The following MN1 variants were observed in gnomAD, a reference collection of about 807,000 sequenced individuals.
The protein encoded by MN1 is MN1 proto-oncogene, transcriptional regulator.
Under a neutral mutation model 86.9 loss-of-function variants are expected in MN1, and 19 were observed. The ratio of observed to expected loss-of-function variants is 0.22; its 90% confidence interval spans 0.15 to 0.32. MN1 has a LOEUF of 0.32. Among genes scored for constraint, MN1 ranks in the 10% least tolerant of loss-of-function variants. The pLI is 1.00. For synonymous variants in MN1, 928 were observed against 849.6 expected (o/e 1.09, Z -1.60); for missense variants, 1,841 against 1,862.0 (o/e 0.99, Z 0.21).
Position 27,797,144 on chromosome 22 carries a change from G to T in MN1, c.3400C>A (p.Gln1134Lys). 1 of 1,571,536 alleles carries T rather than the reference G, an allele frequency of 6.4e-7. No individual in the cohort carries two copies. Residue 1134 changes from glutamine (Q) to lysine (K), a missense_variant, in exon 1 of 2, where the codon CAG (glutamine) becomes AAG (lysine). Transcript: ENST00000302326. ...CTGCTGCTCGTCGGGGTGCGGACCT[G>T]CTCCAGGCCCGGAGTGCCCGGATGG... ...PGHPGTPGLE[Q>K]VRTPTSSSGA...
chr22:27,770,687 C>T (rs1932906741), intron 1 of MN1, among the ~76,000 whole-genome samples: 1 of 143,846 alleles, frequency 7.0e-6, no homozygotes, highest in Non-Finnish European at 1.5e-5. Context: ...GAGACAGGTT[C>T]TCACCTTGTC....
At chr22:27,776,293 C>T (rs918497647) in intron 1 of MN1, among the ~76,000 whole-genome samples, 1 of 152,122 alleles carries the variant, frequency 6.6e-6, no homozygotes, top group Non-Finnish European at 1.5e-5. Context: ...AATCCCGTCT[C>T]GAGGACGCGC....
At chr22:27,776,115 G>T (rs1257089087) in intron 1 of MN1, among the ~76,000 whole-genome samples, 1 of 152,170 alleles carries the variant, frequency 6.6e-6, no homozygotes, top group African/African-American at 2.4e-5. Flanking sequence ...AGAATTCAAA[G>T]GTGGCAGACA....
At chr22:27,789,788 G>A (rs982544040) in intron 1 of MN1, among the ~76,000 whole-genome samples, 2 of 152,204 alleles carry the variant, frequency 1.3e-5, no homozygotes, top group African/African-American at 2.4e-5. Context: ...TGCGTAAATC[G>A]TGAAAAGATA....
At position 27,748,834 on chromosome 22, in the gene MN1, G is replaced by C. The variant is rs888921006; in HGVS notation, c.*2081C>G. On this transcript the variant is annotated 3_prime_UTR_variant, in exon 2 of 2. Coordinates refer to ENST00000302326, the MANE Select transcript of MN1 (RefSeq NM_002430.3). ...TCAAAGACAGAAGTTAAGACACTTT[G>C]CTCCCCGGCCTTAAGCAATTAAGGA... The C allele has an allele frequency of 8.9e-6, 2 of 224,546 alleles. No individual in the cohort carries two copies. Among genetic ancestry groups the C allele is most frequent in the African/African-American group, 4.5e-5 (2 of 44,794 alleles). The allele number at this position is 224,546 out of a possible 1,614,324, so 13.9% of individuals were successfully genotyped here.
At chr22:27,771,965 T>C (rs965273741) in intron 1 of MN1, among the ~76,000 whole-genome samples, 2 of 152,110 alleles carry the variant, frequency 1.3e-5, no homozygotes, top group Non-Finnish European at 2.9e-5. Context: ...ATTGGAATCT[T>C]CCAGAGAGGT....
At chr22:27,771,502 T>G (rs1012928848) in intron 1 of MN1, among the ~76,000 whole-genome samples, 1 of 152,118 alleles carries the variant, frequency 6.6e-6, no homozygotes, top group African/African-American at 2.4e-5. Context: ...GCTAGGATTA[T>G]AAGCGTGAGC....
In MN1 at chr22:27,798,817, G is replaced by A; in HGVS notation, c.1727C>T (p.Ala576Val). The change falls in exon 1 of 2, where the codon GCT becomes GTT. Residue 576 changes from alanine to valine, a missense_variant. Transcript: ENST00000302326. ...CACGTCCCCGGGGTGGCCTAGCTGA[G>A]CCAGGTTGGGCTGGCGCAGCCGCTG... ...QQQRLRQPNL[A>V]QLGHPGDVGQ... 1 of 1,537,490 alleles carries A rather than the reference G, an allele frequency of 6.5e-7. No homozygotes were observed. Among genetic ancestry groups the A allele is most frequent in the South Asian group, 1.2e-5 (1 of 84,008 alleles).
At chr22:27,753,627 A>G (rs1932783492) in intron 1 of MN1, among the ~76,000 whole-genome samples, 1 of 152,218 alleles carries the variant, frequency 6.6e-6, no homozygotes, top group South Asian at 2.1e-4. Context: ...CAGAAGGAGA[A>G]ACTGAGGTTC....
chr22:27,759,870 G>C (rs967488642), intron 1 of MN1, among the ~76,000 whole-genome samples: 4 of 152,174 alleles, frequency 2.6e-5, no homozygotes, highest in African/African-American at 9.7e-5. Flanking sequence ...CTAGTGGTTT[G>C]GGTAGATATA....
Position 27,750,992 on chromosome 22 carries a change from C to T in MN1, c.3886G>A (p.Ala1296Thr). 2 of 1,613,072 alleles carry T rather than the reference C, an allele frequency of 1.2e-6. No homozygotes were observed. Among genetic ancestry groups the T allele is most frequent in the South Asian group, 2.2e-5 (2 of 90,946 alleles). ...AGGGACCGCCAGGTGGGCACGGAGG[C>T]TCGAGCCTTGGCGTCACCCACGTCG... ...TDDVGDAKARASVPTWRSLHS... is the reference protein window; with the variant it reads ...TDDVGDAKARTSVPTWRSLHS... The change falls in exon 2 of 2, where the codon GCC becomes ACC. Residue 1296 changes from alanine (A) to threonine (T), a missense_variant. Coordinates refer to ENST00000302326, the MANE Select transcript of MN1 (RefSeq NM_002430.3).
rs541814123 is a variant in MN1, at chr22:27,787,879, A to G, written c.3781+8884T>C. Among the ~76,000 whole-genome samples, 22 of 152,220 alleles carry G rather than the reference A, an allele frequency of 1.4e-4. No homozygotes were observed. In the South Asian group the frequency reaches 4.6e-3, roughly 32 times the overall value. On this transcript the variant is annotated intron_variant, in intron 1 of 1. Transcript: ENST00000302326. ...TGCCTCGGCCACTAACTCAACAGAA[A>G]CGGGTCCTGACTGCTAACAGACCCA...
chr22:27,778,135 G>C (rs2146305375), intron 1 of MN1, among the ~76,000 whole-genome samples: 1 of 152,276 alleles, frequency 6.6e-6, no homozygotes, highest in Admixed American at 6.5e-5. Flanking sequence ...ATTTTGAGGA[G>C]TTTCCCAACA....
chr22:27,800,024 G>C lies in MN1; in HGVS notation c.520C>G (p.Pro174Ala), dbSNP rs1421091700. 3 of 1,604,542 alleles carry C rather than the reference G, an allele frequency of 1.9e-6. No homozygotes were observed. The highest frequency in any genetic ancestry group is 2.5e-6 in the Non-Finnish European group (3 of 1,179,300). Residue 174 changes from proline to alanine, a missense_variant, in exon 1 of 2, where the codon CCG (proline) becomes GCG (alanine). Transcript: ENST00000302326. ...GAGGCACCTGAACTGTGGAAGTCCG[G>C]GAGGTTCCCCGGTCGCTGCGGGCCG... is the stretch of plus-strand genomic sequence containing the variant. ...SFGPQRPGNL[P>A]DFHSSGASSH...
Position 27,798,945 on chromosome 22 carries a change from T to TTGCTGCTGCTGTTGC in MN1, c.1598_1599insGCAACAGCAGCAGCA (p.Gln546_Gln550dup). 6.5e-7 allele frequency: 1 copy of TTGCTGCTGCTGTTGC among 1,539,590 alleles called. No individual in the cohort carries two copies. The highest frequency in any genetic ancestry group is 8.8e-7 in the Non-Finnish European group (1 of 1,140,650). On this transcript the variant is annotated inframe_insertion, in exon 1 of 2. Coordinates refer to ENST00000302326, the MANE Select transcript of MN1 (RefSeq NM_002430.3). ...GCTGTTGCTGCTGCTGCTGCTGCTG[T>TTGCTGCTGCTGTTGC]TGCTGCTGCTGCTGCTGCTGCTGCT...
Position 27,799,385 on chromosome 22 carries a change from C to A in MN1, c.1159G>T (p.Gly387Cys). Residue 387 changes from glycine (G) to cysteine (C), a missense_variant, in exon 1 of 2, where the codon GGC (glycine) becomes TGC (cysteine). Gly to Cys is a radical substitution (Grantham distance 159). Transcript: ENST00000302326. ...TCCTGCAGGCCGCCGCTGGGCGTGCCCGCCTCGCCCTGCTGGGGCCGAGGG... is the reference window on the plus strand; with the variant it reads ...TCCTGCAGGCCGCCGCTGGGCGTGCACGCCTCGCCCTGCTGGGGCCGAGGG... ...ALPRPQQGEA[G>C]TPSGGLQDGG... The A allele has an allele frequency of 6.5e-7, 1 of 1,529,084 alleles. No homozygotes were observed. Among genetic ancestry groups the A allele is most frequent in the Admixed American group, 2.1e-5 (1 of 47,932 alleles). The allele number at this position is 1,529,084 out of a possible 1,614,324, so 94.7% of individuals were successfully genotyped here.
Position 27,801,700 on chromosome 22 carries a change from G to T in MN1, c.-1157C>A, listed in dbSNP as rs1342259303. Among the ~76,000 whole-genome samples, 1 of 152,196 alleles carries T rather than the reference G, an allele frequency of 6.6e-6. No individual in the cohort carries two copies. Among genetic ancestry groups the T allele is most frequent in the African/African-American group, 2.4e-5 (1 of 41,454 alleles). ...GGGGCTCTGCGTGGGGCGTTCCGAGGGTCTCGGCTCCCCTCTCTGTGTCTG... is the reference window on the plus strand; with the variant it reads ...GGGGCTCTGCGTGGGGCGTTCCGAGTGTCTCGGCTCCCCTCTCTGTGTCTG... On this transcript the variant is annotated 5_prime_UTR_variant, in exon 1 of 2. Coordinates refer to ENST00000302326, the MANE Select transcript of MN1 (RefSeq NM_002430.3).
rs577791398 is a variant in MN1, at chr22:27,759,000, A to AT, written c.3782-7905dup. Among the ~76,000 whole-genome samples the AT allele has an allele frequency of 6.6e-5, 10 of 151,872 alleles. No homozygotes were observed. The East Asian group carries it at 2.0e-3, about 30-fold the overall frequency. On this transcript the variant is annotated intron_variant, in intron 1 of 1. Coordinates refer to ENST00000302326, the MANE Select transcript of MN1 (RefSeq NM_002430.3). ...GCCACCACGCCCGGCTAATTCTTGT[A>AT]TTTTTTTTATACAGATGGGAGTTCA... is the stretch of plus-strand genomic sequence containing the variant.
At chr22:27,791,885 A>AG (rs1046549765) in intron 1 of MN1, 2 of 152,170 alleles carry the variant, frequency 1.3e-5, no homozygotes, top group Non-Finnish European at 2.9e-5. Flanking sequence ...GCATAAAGTG[A>AG]GTTTAGGAGA....
Sources: allele counts gnomAD v4.1 joint callset (sites outside exome capture counted in the v4.1 genomes callset), GRCh38; gene constraint gnomAD v4.1.1; transcripts MANE v1.5; gene names NCBI Gene and HGNC (gene_info 2026-07-23, HGNC 2026-07-21).